Variants in MEGF6 observed in about 807,000 individuals in gnomAD.
MEGF6 encodes the protein multiple EGF like domains 6.
MEGF6 carries 184 observed loss-of-function variants against 207.1 expected under a neutral mutation model. That is an observed-to-expected ratio of 0.89 (90% CI 0.79 to 1.00). The LOEUF is 1.00. Ranked by LOEUF, MEGF6 falls within the 50% of genes least tolerant of loss-of-function variation. MEGF6 has a pLI of 0.00. For synonymous variants in MEGF6, 1,038 were observed against 910.0 expected, an observed-to-expected ratio of 1.14 and a Z score of -2.53; for missense variants, 2,282 against 2,202.9, an observed-to-expected ratio of 1.04 and a Z score of -0.72.
At position 3,507,816 on chromosome 1, in the gene MEGF6, T is replaced by C. The variant is rs1641170840; in HGVS notation, c.1768A>G (p.Ser590Gly). ...GCACCATCCTCACAGTTAGTTCCAC[T>C]GACACCCGGGGGGCAGCGGCAGGCC... Reference protein sequence around the residue: ...TGACRCPPGVSGTNCEDGCPK... With the variant: ...TGACRCPPGVGGTNCEDGCPK... The change falls in exon 14 of 37, where the codon AGT becomes GGT. Residue 590 changes from serine to glycine, a missense_variant. Coordinates refer to ENST00000356575, the MANE Select transcript of MEGF6 (RefSeq NM_001409.4). 4 of 1,612,714 alleles carry C rather than the reference T, an allele frequency of 2.5e-6. No homozygotes were observed. The highest frequency in any genetic ancestry group is 3.4e-6 in the Non-Finnish European group (4 of 1,179,922).
upstream of MEGF6, among the ~76,000 whole-genome samples, chr1:3,616,168 G>A (rs769918396): frequency 5.9e-5 from 9 of 152,120 alleles, no homozygotes; most frequent in Non-Finnish European, 8.8e-5. Flanking sequence ...GCGGTTGCAC[G>A]CTCCTTCCCT....
chr1:3,524,550 G>A (rs1039427506), intron 4 of MEGF6, among the ~76,000 whole-genome samples: 11 of 152,216 alleles, frequency 7.2e-5, no homozygotes, highest in Non-Finnish European at 1.0e-4. Context: ...AACCGGGAGC[G>A]CACGCGGTTT....
chr1:3,560,728 C>T lies in MEGF6; in HGVS notation c.481+19097G>A, dbSNP rs187195064. ...GCAACCCTGGAAACCAAGAGTGGGT[C>T]GCCTAGAAACGGTCAGACTGGCCCC... is the stretch of plus-strand genomic sequence containing the variant. On this transcript the variant is annotated intron_variant, in intron 4 of 36. Transcript: ENST00000356575. This position sits in a 1 kb window ranked among gnomAD's most constrained non-coding sequence, Gnocchi z 4.0. The T allele has an allele frequency of 2.1e-3, 955 of 464,416 alleles. 9 individuals are homozygous for T. The highest frequency in any genetic ancestry group is 0.018 in the African/African-American group (894 of 49,662). The allele number at this position is 464,416 out of a possible 1,614,324, so 28.8% of individuals were successfully genotyped here.
intron 4 of MEGF6, among the ~76,000 whole-genome samples, chr1:3,569,170 A>AG (rs959089929): frequency 2.6e-5 from 4 of 152,144 alleles, no homozygotes; most frequent in African/African-American, 9.7e-5. Context: ...CCGCCTGTTC[A>AG]GGGGGGGAGA....
At chr1:3,532,561 C>T (rs1017661424) in intron 4 of MEGF6, among the ~76,000 whole-genome samples, 2 of 152,238 alleles carry the variant, frequency 1.3e-5, no homozygotes, top group Non-Finnish European at 1.5e-5. Context: ...AATCTCCCTC[C>T]GAAATGCAGT....
chr1:3,489,526 G>A lies in MEGF6; in HGVS notation c.*1002C>T, dbSNP rs576086087. 1.1e-4 allele frequency among the ~76,000 whole-genome samples: 16 copies of A among 152,154 alleles called. No individual in the cohort carries two copies. Among genetic ancestry groups the A allele is most frequent in the African/African-American group, 2.4e-4 (10 of 41,442 alleles). On this transcript the variant is annotated 3_prime_UTR_variant, in exon 37 of 37. Transcript: ENST00000356575. ...CTCAGCCCATGAGTGCCAGGTGCTC[G>A]GGAGGGCTGGTCTGTCCTCACCCAG...
At chr1:3,525,080 G>A (rs996713788) in intron 4 of MEGF6, among the ~76,000 whole-genome samples, 4 of 152,168 alleles carry the variant, frequency 2.6e-5, no homozygotes, top group Non-Finnish European at 2.9e-5. Flanking sequence ...TGTTCCAGCA[G>A]CCCTGGGAAA....
rs1158776242 is a variant in MEGF6 at position 3,509,251 on chromosome 1, AG to A, written c.1358-7del. On this transcript the variant is annotated splice_polypyrimidine_tract_variant and splice_region_variant and intron_variant, in intron 11 of 36. Coordinates refer to ENST00000356575, the MANE Select transcript of MEGF6 (RefSeq NM_001409.4). Reference sequence around the variant, plus strand: ...CACCATCGGCTCCTCCAGGGCTGCCAGGGGCACAGAGGCGCCTTAGCCCCTG... The same window carrying A: ...CACCATCGGCTCCTCCAGGGCTGCCAGGGCACAGAGGCGCCTTAGCCCCTG... The A allele has an allele frequency of 6.8e-7, 1 of 1,465,718 alleles. No individual in the cohort carries two copies. The highest frequency in any genetic ancestry group is 9.0e-7 in the Non-Finnish European group (1 of 1,106,216). The allele number at this position is 1,465,718 out of a possible 1,614,324, so 90.8% of individuals were successfully genotyped here. A position where few individuals can be genotyped will look rare whatever the true frequency, so the allele number is the denominator to read the frequency against.
intron 4 of MEGF6, among the ~76,000 whole-genome samples, chr1:3,535,699 C>T (rs931171752): frequency 2.6e-5 from 4 of 152,306 alleles, no homozygotes; most frequent in Admixed American, 6.5e-5. Flanking sequence ...CTTCTGCCCA[C>T]GGCTCCTGGG....
the MEGF6 span, among the ~76,000 whole-genome samples, chr1:3,620,918 G>T: frequency 2.0e-5 from 3 of 152,204 alleles, no homozygotes; most frequent in African/African-American, 7.2e-5. Flanking sequence ...ACTGGACAGG[G>T]GGCCCTTCCC....
intron 1 of MEGF6, among the ~76,000 whole-genome samples, chr1:3,603,220 G>A (rs181363288): frequency 6.6e-6 from 1 of 152,176 alleles, no homozygotes; most frequent in African/African-American, 2.4e-5. Context: ...CCAGGGGAGG[G>A]GGCATGCCAG....
chr1:3,499,859 A>G lies in MEGF6; in HGVS notation c.2773T>C (p.Cys925Arg), dbSNP rs566030074. The change falls in exon 22 of 37, where the codon TGT becomes CGT. Residue 925 changes from cysteine to arginine, a missense_variant. Coordinates refer to ENST00000356575, the MANE Select transcript of MEGF6 (RefSeq NM_001409.4). Reference protein sequence around the residue: ...QRCQCQHGAACDHVSGACTCP... With the variant: ...QRCQCQHGAARDHVSGACTCP... ...GTGCAGGCCCCGCTGACGTGGTCACAGGCTGCTCCATGCTGACACTGGCAC... is the reference window on the plus strand; with the variant it reads ...GTGCAGGCCCCGCTGACGTGGTCACGGGCTGCTCCATGCTGACACTGGCAC... The G allele has an allele frequency of 6.4e-7, 1 of 1,556,108 alleles. No individual in the cohort carries two copies. Among genetic ancestry groups the G allele is most frequent in the Non-Finnish European group, 8.7e-7 (1 of 1,150,632 alleles).
intron 3 of MEGF6, among the ~76,000 whole-genome samples, chr1:3,590,716 C>T (rs1465232681): frequency 6.6e-6 from 1 of 152,132 alleles, no homozygotes; most frequent in Non-Finnish European, 1.5e-5. Context: ...GCTCAGGGGC[C>T]TCCCCTGTCC....
At chr1:3,502,907 G>T (rs558292413) in intron 17 of MEGF6, among the ~76,000 whole-genome samples, 2 of 152,314 alleles carry the variant, frequency 1.3e-5, no homozygotes, top group African/African-American at 4.8e-5. Flanking sequence ...CCCCAGCGAG[G>T]CGCAGCCACT....
chr1:3,505,263 G>A lies in MEGF6; in HGVS notation c.2133C>T (p.Ser711=), dbSNP rs371079333. The change falls in exon 17 of 37, where the codon AGC becomes AGT. Residue 711 remains serine (S), a synonymous_variant. Coordinates refer to ENST00000356575, the MANE Select transcript of MEGF6 (RefSeq NM_001409.4). ...CPVGVACDSV[S]GECGKRCPAG... ...CAGGACACCGCTTCCCACACTCGCCGCTCACGGAGTCACAGGCCACGCCCA... is the reference window on the plus strand; with the variant it reads ...CAGGACACCGCTTCCCACACTCGCCACTCACGGAGTCACAGGCCACGCCCA... 213 of 1,612,420 alleles carry A rather than the reference G, an allele frequency of 1.3e-4. No individual in the cohort carries two copies. In the African/African-American group the frequency reaches 2.3e-3, roughly 17 times the overall value.
At chr1:3,491,986 C>T (rs922547335) in intron 35 of MEGF6, among the ~76,000 whole-genome samples, 2 of 151,982 alleles carry the variant, frequency 1.3e-5, no homozygotes, top group East Asian at 1.9e-4. Context: ...TGCACTATTG[C>T]GCAGACGCAC....
chr1:3,601,006 C>G (rs1197641283), intron 2 of MEGF6, among the ~76,000 whole-genome samples: 1 of 152,164 alleles, frequency 6.6e-6, no homozygotes, highest in Non-Finnish European at 1.5e-5. Context: ...TTGGGTAATG[C>G]CGGGAGGGGA....
At chr1:3,550,846 C>T (rs1642862274) in intron 4 of MEGF6, among the ~76,000 whole-genome samples, 1 of 152,258 alleles carries the variant, frequency 6.6e-6, no homozygotes, top group South Asian at 2.1e-4. Context: ...GTGCACTCAC[C>T]CTGGGGGAGC....
At chr1:3,505,987 TG>T in intron 15 of MEGF6, 120 bp downstream of exon 15, 1 of 1,341,384 alleles carries the variant, frequency 7.5e-7, no homozygotes, top group Non-Finnish European at 1.0e-6. Flanking sequence ...TACATCCCAG[TG>T]GGTGACCTGG....
Sources: allele counts gnomAD v4.1 joint callset (sites outside exome capture counted in the v4.1 genomes callset), GRCh38; gene constraint gnomAD v4.1.1; non-coding constraint Gnocchi (gnomAD v3.1); transcripts MANE v1.5; gene names NCBI Gene and HGNC (gene_info 2026-07-23, HGNC 2026-07-21).